Variants in ADAMTSL1 observed in about 807,000 individuals in gnomAD.
ADAMTSL1 encodes ADAMTS-like protein 1.
In ADAMTSL1, 126 loss-of-function variants were observed where a neutral mutation model predicts 201.8. The observed-to-expected ratio is 0.62, with a 90% confidence interval of 0.54 to 0.72. ADAMTSL1 has a LOEUF of 0.72. Ranked by LOEUF, ADAMTSL1 falls within the 30% of genes least tolerant of loss-of-function variation. The probability of loss-of-function intolerance (pLI) is 0.00; values close to 1 mark genes in which losing one functional copy is unlikely to be tolerated. For synonymous variants in ADAMTSL1, 1,121 were observed against 903.4 expected, an observed-to-expected ratio of 1.24 and a Z score of -4.32; for missense variants, 2,679 against 2,277.8, an observed-to-expected ratio of 1.18 and a Z score of -3.59.
At chr9:18,567,580 G>A (rs904840228) in intron 3 of ADAMTSL1, among the ~76,000 whole-genome samples, 3 of 152,184 alleles carry the variant, frequency 2.0e-5, no homozygotes, top group African/African-American at 4.8e-5. Context: ...GTTTGGACAT[G>A]ATGAGTTTCC....
intron 2 of ADAMTSL1, among the ~76,000 whole-genome samples, chr9:18,219,433 A>G (rs1219921819): frequency 6.6e-6 from 1 of 151,858 alleles, no homozygotes; most frequent in Non-Finnish European, 1.5e-5. Context: ...CAGTGGCACA[A>G]CCTCGGCTCA....
rs1819637934 is a variant in ADAMTSL1 at position 18,434,512 on chromosome 9, A to T, written c.208-70317A>T. On this transcript the variant is annotated intron_variant, in intron 2 of 29. Coordinates refer to the ADAMTSL1 transcript ENST00000680146. The stretch of plus-strand genomic sequence containing the variant: ...AGAGCAGGCAGGTGGGACACATGAG[A>T]ACAGAAAATGAGAAAAAGAAAAGAA... Among the ~76,000 whole-genome samples, 7 of 152,314 alleles carry T rather than the reference A, an allele frequency of 4.6e-5. No homozygotes were observed. The South Asian group carries it at 1.5e-3, about 32-fold the overall frequency.
At chr9:17,942,846 A>T (rs1032876459) in intron 1 of ADAMTSL1, among the ~76,000 whole-genome samples, 6 of 152,178 alleles carry the variant, frequency 3.9e-5, no homozygotes, top group African/African-American at 1.2e-4. Context: ...TGGTATGGGA[A>T]TATTTCAGTA....
chr9:18,728,676 G>A (rs1048960590), intron 15 of ADAMTSL1, among the ~76,000 whole-genome samples: 6 of 152,208 alleles, frequency 3.9e-5, no homozygotes, highest in African/African-American at 1.4e-4. Context: ...CAATGCCTAT[G>A]CTGAATGGTA....
chr9:18,167,019 T>G (rs867490108), intron 2 of ADAMTSL1, among the ~76,000 whole-genome samples: 1 of 152,100 alleles, frequency 6.6e-6, no homozygotes, highest in African/African-American at 2.4e-5. Flanking sequence ...GCTATTTAAG[T>G]GAGCCATTTG....
At chr9:18,064,989 G>A (rs1210680693) in intron 1 of ADAMTSL1, among the ~76,000 whole-genome samples, 1 of 53,974 alleles carries the variant, frequency 1.9e-5, no homozygotes, top group East Asian at 5.3e-4. Context: ...TTTTTTTTTT[G>A]GTGGGCTCTG....
chr9:18,535,487 C>T (rs1819709958), intron 3 of ADAMTSL1, among the ~76,000 whole-genome samples: 2 of 152,184 alleles, frequency 1.3e-5, no homozygotes, highest in East Asian at 1.9e-4. Flanking sequence ...TTCTTCTTAG[C>T]CCTCCAAACT....
intron 1 of ADAMTSL1, among the ~76,000 whole-genome samples, chr9:18,004,182 A>T (rs1020832009): frequency 3.9e-5 from 6 of 152,078 alleles, no homozygotes; most frequent in Non-Finnish European, 8.8e-5. Flanking sequence ...TTTCATATGC[A>T]CATGGAATGA....
chr9:18,793,005 G>A (rs1375486479), intron 19 of ADAMTSL1, among the ~76,000 whole-genome samples: 1 of 152,238 alleles, frequency 6.6e-6, no homozygotes, highest in Non-Finnish European at 1.5e-5. Context: ...GGGTGGATGA[G>A]CTATATCACA....
intron 2 of ADAMTSL1, among the ~76,000 whole-genome samples, chr9:18,449,686 G>A (rs543500819): frequency 6.6e-6 from 1 of 152,100 alleles, no homozygotes; most frequent in South Asian, 2.1e-4. Context: ...CTCAGTAATA[G>A]GAAAATAACC....
At chr9:18,876,340 T>A (rs1305115823) in intron 23 of ADAMTSL1, among the ~76,000 whole-genome samples, 1 of 59,116 alleles carries the variant, frequency 1.7e-5, no homozygotes. Context: ...GCGTGATTGT[T>A]TTATAGGTTC....
rs757411906 is a variant in ADAMTSL1, at chr9:18,777,184, G to C, written c.2955G>C (p.Lys985Asn). The C allele has an allele frequency of 6.2e-7, 1 of 1,612,888 alleles. No homozygotes were observed. Among genetic ancestry groups the C allele is most frequent in the Non-Finnish European group, 8.5e-7 (1 of 1,179,818 alleles). Residue 985 changes from lysine to asparagine, a missense_variant, in exon 19 of 29, where the codon AAG becomes AAC. By Grantham distance (94) the Lys-to-Asn change is moderately conservative. Coordinates refer to ENST00000380548, the MANE Select transcript of ADAMTSL1 (RefSeq NM_001040272.6). Reference protein sequence around the residue: ...RSEEEVLAGRKGGPKEALQTH... With the variant: ...RSEEEVLAGRNGGPKEALQTH... ...AGGAAGAGGTGCTTGCGGGGAGGAA[G>C]GGCGGCCCGAAGGAGGCCCTGCAGA...
chr9:18,513,852 C>G (rs1471603460), intron 2 of ADAMTSL1, among the ~76,000 whole-genome samples: 1 of 152,166 alleles, frequency 6.6e-6, no homozygotes, highest in African/African-American at 2.4e-5. Context: ...TGTCTTTACA[C>G]TGGCATATCT....
intron 2 of ADAMTSL1, among the ~76,000 whole-genome samples, chr9:18,297,286 G>A (rs1214696006): frequency 1.3e-5 from 2 of 152,018 alleles, no homozygotes; most frequent in African/African-American, 2.4e-5. Flanking sequence ...AGGAGGAACT[G>A]GTTTCAATAT....
At chr9:18,020,850 C>T (rs190540899) in intron 1 of ADAMTSL1, among the ~76,000 whole-genome samples, 5 of 152,062 alleles carry the variant, frequency 3.3e-5, no homozygotes, top group African/African-American at 1.2e-4. Context: ...GTGAGCAAAG[C>T]GTCAGTAACT....
At chr9:18,097,359 A>G (rs1266669791) in intron 1 of ADAMTSL1, among the ~76,000 whole-genome samples, 2 of 152,254 alleles carry the variant, frequency 1.3e-5, no homozygotes, top group African/African-American at 4.8e-5. Flanking sequence ...AGATTTTAGC[A>G]GTAACACTGC....
chr9:18,199,891 AT>A (rs35397183), intron 2 of ADAMTSL1, among the ~76,000 whole-genome samples: 32,374 of 151,752 alleles, frequency 0.21, 3,613 homozygotes, highest in Non-Finnish European at 0.25. Flanking sequence ...AACTTGCTAA[AT>A]TTTTTTTCCT....
intron 8 of ADAMTSL1, 152 bp downstream of exon 8, chr9:18,657,902 T>C (rs1828804819): frequency 1.6e-6 from 1 of 627,308 alleles, no homozygotes; most frequent in Non-Finnish European, 2.8e-6. Flanking sequence ...GAGGCCCTCC[T>C]GTAAGGCAGA....
At chr9:18,570,735 T>TTCATTAAAC (rs1822244646) in intron 3 of ADAMTSL1, among the ~76,000 whole-genome samples, 1 of 152,212 alleles carries the variant, frequency 6.6e-6, no homozygotes, top group Non-Finnish European at 1.5e-5. Context: ...AGTTTCCAAC[T>TTCATTAAAC]CTGAACTCCA....
Sources: allele counts gnomAD v4.1 joint callset (sites outside exome capture counted in the v4.1 genomes callset), GRCh38; gene constraint gnomAD v4.1.1; transcripts MANE v1.5; gene names NCBI Gene and HGNC (gene_info 2026-07-23, HGNC 2026-07-21).